The following DACH2 variants were observed in gnomAD, a reference collection of about 807,000 sequenced individuals.
The protein encoded by DACH2 is dachshund homolog 2.
DACH2 carries 17 observed loss-of-function variants against 35.8 expected under a neutral mutation model. The observed-to-expected ratio is 0.48, with a 90% CI of 0.33 to 0.71. The LOEUF (loss-of-function observed/expected upper bound fraction) is 0.71. DACH2 is among the 30% of genes least tolerant of loss of function. The pLI is 0.02. For synonymous variants in DACH2, 195 were observed against 177.3 expected, an observed-to-expected ratio of 1.10 and a Z score of -0.79; for missense variants, 469 against 472.7, an observed-to-expected ratio of 0.99 and a Z score of 0.07.
chrX:86,349,119 C>T (rs1423699002), intron 1 of DACH2, among the ~76,000 whole-genome samples: 1 of 111,929 alleles, frequency 8.9e-6, no homozygotes, highest in South Asian at 3.8e-4. Flanking sequence ...TTGGATCACT[C>T]GTGGGCTTGG....
chrX:86,286,099 T>A (rs926237926), intron 1 of DACH2, among the ~76,000 whole-genome samples: 6 of 104,787 alleles, frequency 5.7e-5, no homozygotes, highest in Non-Finnish European at 1.2e-4. Flanking sequence ...TGTTCTTCCA[T>A]CCATTCAGCC....
intron 6 of DACH2, among the ~76,000 whole-genome samples, chrX:86,718,244 A>C (rs2041360598): frequency 9.0e-6 from 1 of 111,684 alleles, no homozygotes; most frequent in South Asian, 3.7e-4. Context: ...TTCTCTGATA[A>C]TTAGTGATGT....
intron 1 of DACH2, among the ~76,000 whole-genome samples, chrX:86,333,337 A>G (rs1264220997): frequency 8.9e-6 from 1 of 112,075 alleles, no homozygotes; most frequent in Admixed American, 9.5e-5. Context: ...AAAGACTGTC[A>G]TGAAAGCCTC....
intron 2 of DACH2, among the ~76,000 whole-genome samples, chrX:86,496,585 C>A (rs1333989703): frequency 9.1e-6 from 1 of 109,868 alleles, no homozygotes; most frequent in African/African-American, 3.3e-5. Context: ...GGAGGGGGGA[C>A]CTTTGAGCTC....
intron 3 of DACH2, among the ~76,000 whole-genome samples, chrX:86,632,090 GA>G (rs1291170997): frequency 9.0e-6 from 1 of 111,644 alleles, no homozygotes; most frequent in African/African-American, 3.3e-5. Context: ...AAAGTTATAT[GA>G]TGCAATTTCT....
intron 7 of DACH2, among the ~76,000 whole-genome samples, chrX:86,790,780 G>A (rs930443285): frequency 9.0e-6 from 1 of 110,810 alleles, no homozygotes; most frequent in Non-Finnish European, 1.9e-5. Flanking sequence ...GGCTAAAAGC[G>A]ATCCTCCTGC....
chrX:86,336,916 A>G (rs1270327359), intron 1 of DACH2, among the ~76,000 whole-genome samples: 1 of 108,647 alleles, frequency 9.2e-6, no homozygotes, highest in Non-Finnish European at 1.9e-5. Context: ...CAGCATGAGA[A>G]CTTTGTGAAG....
intron 1 of DACH2, among the ~76,000 whole-genome samples, chrX:86,324,571 C>CTTTTTTTTT: frequency 4.9e-5 from 2 of 40,638 alleles, no homozygotes; most frequent in Non-Finnish European, 7.6e-5. Context: ...TCACTGTTGT[C>CTTTTTTTTT]TTTTTTTTTT....
chrX:86,242,019 C>A (rs989296296), intron 1 of DACH2, among the ~76,000 whole-genome samples: 2 of 112,795 alleles, frequency 1.8e-5, no homozygotes, highest in African/African-American at 6.4e-5. Flanking sequence ...AGGGCAGAGC[C>A]CTCATGGAGA....
chrX:86,294,892 C>G, intron 1 of DACH2, among the ~76,000 whole-genome samples: 1 of 110,050 alleles, frequency 9.1e-6, no homozygotes, highest in Non-Finnish European at 1.9e-5. Context: ...GTGCCCTGCC[C>G]CCAGAGGTGG....
In DACH2 at chrX:86,707,146, T is replaced by C. The variant is rs60047893; in HGVS notation, c.932-7402T>C. ...GATGCAAATTACTATCATCAGAAAA[T>C]AGAAGCCATCACTATTTATCCTATG... On this transcript the variant is annotated intron_variant, in intron 5 of 11. Coordinates refer to ENST00000373125, the MANE Select transcript of DACH2 (RefSeq NM_053281.3). Among the ~76,000 whole-genome samples, 299 of 110,269 alleles carry C rather than the reference T, an allele frequency of 2.7e-3. 2 individuals are homozygous for C. The highest frequency in any genetic ancestry group is 9.4e-3 in the African/African-American group (286 of 30,426).
chrX:86,419,860 A>T (rs1185060567), intron 2 of DACH2, among the ~76,000 whole-genome samples: 1 of 111,863 alleles, frequency 8.9e-6, no homozygotes, highest in Non-Finnish European at 1.9e-5. Flanking sequence ...AGCATGGTCC[A>T]ATAGAAAGGG....
At chrX:86,371,138 G>A (rs914472549) in intron 1 of DACH2, among the ~76,000 whole-genome samples, 4 of 110,366 alleles carry the variant, frequency 3.6e-5, no homozygotes, top group Non-Finnish European at 7.6e-5. Flanking sequence ...TTGACATAGG[G>A]TCTTGCATTC....
At chrX:86,298,809 G>A (rs186898924) in intron 1 of DACH2, among the ~76,000 whole-genome samples, 62 of 111,898 alleles carry the variant, frequency 5.5e-4, no homozygotes, top group African/African-American at 2.0e-3. Context: ...TTAGCTTTGA[G>A]TTGCTTGGCT....
intron 3 of DACH2, among the ~76,000 whole-genome samples, chrX:86,556,888 G>A (rs988089313): frequency 3.9e-5 from 4 of 103,373 alleles, no homozygotes; most frequent in Admixed American, 1.1e-4. Flanking sequence ...GAAGTCTTGC[G>A]ATATGCTGTC....
At chrX:86,654,110 C>T (rs2040510902) in intron 4 of DACH2, among the ~76,000 whole-genome samples, 2 of 98,345 alleles carry the variant, frequency 2.0e-5, no homozygotes, top group Admixed American at 1.3e-4. Flanking sequence ...TAGCCCTTTG[C>T]TTTCTTCTCC....
At chrX:86,750,246 A>T (rs1303632513) in intron 7 of DACH2, among the ~76,000 whole-genome samples, 1 of 111,337 alleles carries the variant, frequency 9.0e-6, no homozygotes, top group Non-Finnish European at 1.9e-5. Context: ...GATGTCTTTT[A>T]TCAGATTGAT....
intron 1 of DACH2, among the ~76,000 whole-genome samples, chrX:86,302,226 C>T (rs760911773): frequency 4.8e-4 from 53 of 111,412 alleles, no homozygotes; most frequent in Non-Finnish European, 9.1e-4. Context: ...TCCTTAGTAT[C>T]TAACTTCCTT....
Position 86,367,897 on chromosome X carries a change from C to A in DACH2, c.489-8927C>A, listed in dbSNP as rs191203060. ...CATATTAATGTTGGCTTTAGACTTTCTGTTGCACACGTCCTTTCCTTTTGA... is the reference window on the plus strand; with the variant it reads ...CATATTAATGTTGGCTTTAGACTTTATGTTGCACACGTCCTTTCCTTTTGA... On this transcript the variant is annotated intron_variant, in intron 1 of 11. Coordinates refer to ENST00000373125, the MANE Select transcript of DACH2 (RefSeq NM_053281.3). Among the ~76,000 whole-genome samples the A allele has an allele frequency of 1.6e-4, 18 of 111,652 alleles. No individual in the cohort carries two copies. In the East Asian group the frequency reaches 5.1e-3, roughly 32 times the overall value.
Sources: gnomAD v4.1 joint callset for allele counts (sites outside exome capture counted in the v4.1 genomes callset) on GRCh38, gnomAD v4.1.1 for gene constraint, MANE v1.5 for transcripts, NCBI Gene and HGNC (gene_info 2026-07-23, HGNC 2026-07-21) for gene names.